Variants in SPEM3 observed in about 807,000 individuals in gnomAD.
SPEM3 encodes uncharacterized protein SPEM3.
rs923896416 is a variant in SPEM3 at position 7,432,455 on chromosome 17, T to C, written c.3284T>C (p.Val1095Ala). 13 of 398,524 alleles carry C rather than the reference T, an allele frequency of 3.3e-5. No individual in the cohort carries two copies. The highest frequency in any genetic ancestry group is 4.9e-5 in the Non-Finnish European group (11 of 226,082). 24.7% of individuals were successfully genotyped at this position (398,524 alleles called of 1,614,324 possible). Reference protein sequence around the residue: ...VSNDLQTFSEVPVLIELQSSS... With the variant: ...VSNDLQTFSEAPVLIELQSSS... ...AATGACCTGCAGACCTTCTCAGAGG[T>C]ACCTGTATTAATTGAGCTGCAGTCA... is the stretch of plus-strand genomic sequence containing the variant. The change falls in exon 3 of 3, where the codon GTA becomes GCA. Residue 1095 changes from valine to alanine, a missense_variant. Val to Ala is a moderately conservative substitution (Grantham distance 64, BLOSUM62 0). Coordinates refer to ENST00000636696, the MANE Select transcript of SPEM3 (RefSeq NM_001364708.1). The surrounding 1 kb of genome is among the most constrained non-coding windows in gnomAD (Gnocchi z 4.1).
rs950356088 is a variant in SPEM3, at chr17:7,432,290, C to T, written c.3119C>T (p.Thr1040Ile). ...GTCCAGCTTTTGTCCCTGCTTCAGA[C>T]CCCAAAGTCCACACTGTCCCTGATG... is the stretch of plus-strand genomic sequence containing the variant. ...DFVQLLSLLQTPKSTLSLMKS... is the reference protein window; with the variant it reads ...DFVQLLSLLQIPKSTLSLMKS... The change falls in exon 3 of 3, where the codon ACC (threonine) becomes ATC (isoleucine). Residue 1040 changes from threonine (T) to isoleucine (I), a missense_variant. Transcript: ENST00000636696. The surrounding 1 kb of genome is among the most constrained non-coding windows in gnomAD (Gnocchi z 4.1). 1.5e-5 allele frequency: 6 copies of T among 398,620 alleles called. No homozygotes were observed. The East Asian group carries it at 2.1e-4, about 14-fold the overall frequency. The allele number at this position is 398,620 out of a possible 1,614,324, so 24.7% of individuals were successfully genotyped here. A position where few individuals can be genotyped will look rare whatever the true frequency, so the allele number is the denominator to read the frequency against.
At position 7,429,769 on chromosome 17, in the gene SPEM3, T is replaced by C; in HGVS notation, c.598T>C (p.Cys200Arg). Residue 200 changes from cysteine (C) to arginine (R), a missense_variant, in exon 3 of 3, where the codon TGT becomes CGT. Transcript: ENST00000636696. This position sits in a 1 kb window ranked among gnomAD's most constrained non-coding sequence, Gnocchi z 4.9. Reference sequence around the variant, plus strand: ...AGAGAGCAAGACTAAGACCCCAGACTGTGCCCCAGCCGAGGCCCCAGCTCA... The same window carrying C: ...AGAGAGCAAGACTAAGACCCCAGACCGTGCCCCAGCCGAGGCCCCAGCTCA... ...PQESKTKTPDCAPAEAPAQAQ... is the reference protein window; with the variant it reads ...PQESKTKTPDRAPAEAPAQAQ... 2.5e-6 allele frequency: 1 copy of C among 399,940 alleles called. No homozygotes were observed. The highest frequency in any genetic ancestry group is 4.4e-6 in the Non-Finnish European group (1 of 227,002). The allele number at this position is 399,940 out of a possible 1,614,324, so 24.8% of individuals were successfully genotyped here. A position where few individuals can be genotyped will look rare whatever the true frequency, so the allele number is the denominator to read the frequency against.
In SPEM3 at chr17:7,430,955, C is replaced by G. The variant is rs2150827585; in HGVS notation, c.1784C>G (p.Thr595Ser). The G allele has an allele frequency of 2.5e-6, 1 of 398,932 alleles. No homozygotes were observed. The highest frequency in any genetic ancestry group is 3.6e-5 in the East Asian group (1 of 28,090). The allele number at this position is 398,932 out of a possible 1,614,324, so 24.7% of individuals were successfully genotyped here. A position where few individuals can be genotyped will look rare whatever the true frequency, so the allele number is the denominator to read the frequency against. The change falls in exon 3 of 3, where the codon ACT becomes AGT. Residue 595 changes from threonine to serine, a missense_variant. Physicochemically the swap from Thr to Ser is moderately conservative, Grantham distance 58. Coordinates refer to ENST00000636696, the MANE Select transcript of SPEM3 (RefSeq NM_001364708.1). ...SSVCTLPPPFTLSLPLVPPRS... is the reference protein window; with the variant it reads ...SSVCTLPPPFSLSLPLVPPRS... Reference sequence around the variant, plus strand: ...GTGTGCACCCTTCCTCCACCGTTCACTCTTTCCCTGCCTCTCGTTCCTCCC... The same window carrying G: ...GTGTGCACCCTTCCTCCACCGTTCAGTCTTTCCCTGCCTCTCGTTCCTCCC...
Position 7,430,722 on chromosome 17 carries a change from G to T in SPEM3, c.1551G>T (p.Glu517Asp). The change falls in exon 3 of 3, where the codon GAG becomes GAT. Residue 517 changes from glutamate (E) to aspartate (D), a missense_variant. Transcript: ENST00000636696. ...CAGGATCCATACTGGGCTACCTGGA[G>T]TTGAGGAATATGGAATGGAAGAACT... The part of the protein sequence containing the change: ...LPAGSILGYL[E>D]LRNMEWKNSD... The T allele has an allele frequency of 2.5e-6, 1 of 398,668 alleles. No homozygotes were observed. Among genetic ancestry groups the T allele is most frequent in the Non-Finnish European group, 4.4e-6 (1 of 226,112 alleles). 24.7% of individuals were successfully genotyped at this position (398,668 alleles called of 1,614,324 possible).
At position 7,429,291 on chromosome 17, in the gene SPEM3, C is replaced by T. The variant is rs1907750556; in HGVS notation, c.196+44C>T. On this transcript the variant is annotated intron_variant, in intron 2 of 2. Coordinates refer to ENST00000636696, the MANE Select transcript of SPEM3 (RefSeq NM_001364708.1). This position sits in a 1 kb window ranked among gnomAD's most constrained non-coding sequence, Gnocchi z 4.9. The stretch of plus-strand genomic sequence containing the variant: ...GGGCTCCCAGGGATATGGGCCTGTC[C>T]CCTTTCTCCTATCCCTGGCCCAGTT... 2.5e-6 allele frequency: 1 copy of T among 398,536 alleles called. No individual in the cohort carries two copies. Among genetic ancestry groups the T allele is most frequent in the East Asian group, 3.6e-5 (1 of 28,068 alleles). The allele number at this position is 398,536 out of a possible 1,614,324, so 24.7% of individuals were successfully genotyped here.
rs906379101 is a variant in SPEM3, at chr17:7,431,481, C to A, written c.2310C>A (p.Ile770=). The stretch of plus-strand genomic sequence containing the variant: ...CAGGTCTGACTCAAGAAGCTGGTAT[C>A]CTTAGGAGCCCATGTCTCACCCAAT... ...KNTGLTQEAG[I]LRSPCLTQSP... Residue 770 remains isoleucine (I), a synonymous_variant, in exon 3 of 3, where the codon ATC becomes ATA. Coordinates refer to ENST00000636696, the MANE Select transcript of SPEM3 (RefSeq NM_001364708.1). 25 of 398,514 alleles carry A rather than the reference C, an allele frequency of 6.3e-5. No individual in the cohort carries two copies. The highest frequency in any genetic ancestry group is 1.3e-4 in the Admixed American group (3 of 22,712). The allele number at this position is 398,514 out of a possible 1,614,324, so 24.7% of individuals were successfully genotyped here.
rs1471609178 is a variant in SPEM3, at chr17:7,431,284, AC to A, written c.2116del (p.Gln706LysfsTer59). 1 of 398,362 alleles carries A rather than the reference AC, an allele frequency of 2.5e-6. No individual in the cohort carries two copies. The highest frequency in any genetic ancestry group is 2.1e-5 in the African/African-American group (1 of 48,558). 24.7% of individuals were successfully genotyped at this position (398,362 alleles called of 1,614,324 possible). ...NPDLYKNPGL[T>X]QDPGLHENPG... ...AGACCTCTACAAGAACCCAGGCCTT[AC>A]CCAAGATCCAGGCCTCCACGAGAAC... On this transcript the variant is annotated frameshift_variant, in exon 3 of 3. Transcript: ENST00000636696. LOFTEE classifies it low-confidence loss of function (END_TRUNC).
In SPEM3 at chr17:7,432,214, C is replaced by G; in HGVS notation, c.3043C>G (p.Pro1015Ala). The change falls in exon 3 of 3, where the codon CCA (proline) becomes GCA (alanine). Residue 1015 changes from proline (P) to alanine (A), a missense_variant. By Grantham distance (27) the Pro-to-Ala change is conservative. Transcript: ENST00000636696. The surrounding 1 kb of genome is among the most constrained non-coding windows in gnomAD (Gnocchi z 4.1). ...SGPYKSSCLI[P>A]DPSLYKNPSP... ...CCCCTACAAGAGCTCATGCCTCATC[C>G]CAGATCCCAGCCTCTACAAGAACCC... The G allele has an allele frequency of 5.0e-6, 2 of 398,724 alleles. No individual in the cohort carries two copies. Among genetic ancestry groups the G allele is most frequent in the Admixed American group, 4.4e-5 (1 of 22,740 alleles). The allele number at this position is 398,724 out of a possible 1,614,324, so 24.7% of individuals were successfully genotyped here.
In SPEM3 at chr17:7,432,336, G is replaced by A; in HGVS notation, c.3165G>A (p.Lys1055=). ...LSLMKSSVPE[K]AAQKEDAQRH... ...TGATGAAGTCATCTGTGCCTGAGAA[G>A]GCTGCTCAGAAGGAGGACGCACAGC... Residue 1055 remains lysine, a synonymous_variant, in exon 3 of 3, where the codon AAG becomes AAA. Coordinates refer to ENST00000636696, the MANE Select transcript of SPEM3 (RefSeq NM_001364708.1). This position sits in a 1 kb window ranked among gnomAD's most constrained non-coding sequence, Gnocchi z 4.1. 2.5e-6 allele frequency: 1 copy of A among 398,680 alleles called. No individual in the cohort carries two copies. The highest frequency in any genetic ancestry group is 4.4e-6 in the Non-Finnish European group (1 of 226,092). 24.7% of individuals were successfully genotyped at this position (398,680 alleles called of 1,614,324 possible).
rs528075950 is a variant in SPEM3, at chr17:7,431,150, C to T, written c.1979C>T (p.Pro660Leu). The T allele has an allele frequency of 6.8e-5, 27 of 398,682 alleles. No individual in the cohort carries two copies. The South Asian group carries it at 3.2e-3, about 47-fold the overall frequency. 24.7% of individuals were successfully genotyped at this position (398,682 alleles called of 1,614,324 possible). Residue 660 changes from proline (P) to leucine (L), a missense_variant, in exon 3 of 3, where the codon CCT becomes CTT. Pro to Leu is a moderately conservative substitution (Grantham distance 98). Transcript: ENST00000636696. ...CAACCCCTGATCCAACCCCAATGCC[C>T]TGAATGTCATGAGAGTCTAGGCCTT... is the stretch of plus-strand genomic sequence containing the variant. ...ISQPLIQPQC[P>L]ECHESLGLTQ...
rs943207016 is a variant in SPEM3, at chr17:7,428,889, TGGGACCCCA to T, written c.-11_-3del. 2.5e-6 allele frequency: 1 copy of T among 398,570 alleles called. No homozygotes were observed. Among genetic ancestry groups the T allele is most frequent in the African/African-American group, 2.1e-5 (1 of 48,628 alleles). The allele number at this position is 398,570 out of a possible 1,614,324, so 24.7% of individuals were successfully genotyped here. A position where few individuals can be genotyped will look rare whatever the true frequency, so the allele number is the denominator to read the frequency against. On this transcript the variant is annotated 5_prime_UTR_variant, in exon 1 of 3. Transcript: ENST00000636696. ...TGAGGGCCGGGGGCCTAGGCAGTCCTGGGACCCCAGGCCATGGGTGAGCGAGCCTATCAT... is the reference window on the plus strand; with the variant it reads ...TGAGGGCCGGGGGCCTAGGCAGTCCTGGCCATGGGTGAGCGAGCCTATCAT...
rs992492905 is a variant in SPEM3, at chr17:7,430,232, C to G, written c.1061C>G (p.Ala354Gly). Residue 354 changes from alanine (A) to glycine (G), a missense_variant, in exon 3 of 3, where the codon GCC becomes GGC. Transcript: ENST00000636696. ...GCCCCTGAGTACACCTCAGCCCATGCCCCAGCGTATATCCCAGACCACTCT... is the reference window on the plus strand; with the variant it reads ...GCCCCTGAGTACACCTCAGCCCATGGCCCAGCGTATATCCCAGACCACTCT... Reference protein sequence around the residue: ...AHAPEYTSAHAPAYIPDHSHL... With the variant: ...AHAPEYTSAHGPAYIPDHSHL... 5 of 412,380 alleles carry G rather than the reference C, an allele frequency of 1.2e-5. No individual in the cohort carries two copies. In the Admixed American group the frequency reaches 2.2e-4, roughly 18 times the overall value. The allele number at this position is 412,380 out of a possible 1,614,324, so 25.5% of individuals were successfully genotyped here.
In SPEM3 at chr17:7,430,646, GC is replaced by G. The variant is rs1297405121; in HGVS notation, c.1476del (p.Ile493TyrfsTer26). 1 of 398,518 alleles carries G rather than the reference GC, an allele frequency of 2.5e-6. No individual in the cohort carries two copies. The highest frequency in any genetic ancestry group is 4.4e-6 in the Non-Finnish European group (1 of 226,122). 24.7% of individuals were successfully genotyped at this position (398,518 alleles called of 1,614,324 possible). On this transcript the variant is annotated frameshift_variant, in exon 3 of 3. Transcript: ENST00000636696. LOFTEE classifies it low-confidence loss of function (END_TRUNC). ...PQEGQDLVSSGISEQTKQCSG... is the reference protein window; with the variant it reads ...PQEGQDLVSSXISEQTKQCSG... ...GAGGGTCAGGACCTGGTGAGTTCTG[GC>G]ATATCTGAGCAAACAAAGCAATGCA...
chr17:7,432,608 C>T lies in SPEM3; in HGVS notation c.3437C>T (p.Pro1146Leu), dbSNP rs538766360. 11 of 398,698 alleles carry T rather than the reference C, an allele frequency of 2.8e-5. 1 individual carries two copies. In the South Asian group the frequency reaches 1.4e-3, roughly 51 times the overall value. 24.7% of individuals were successfully genotyped at this position (398,698 alleles called of 1,614,324 possible). A position where few individuals can be genotyped will look rare whatever the true frequency, so the allele number is the denominator to read the frequency against. ...AACTGGAAGTCCCACTGCCCTGGAC[C>T]AGGCACCCAGGCAGGGCATGTGGTT... ...HINWKSHCPG[P>L]GTQAGHVVFD... is the part of the protein sequence containing the mutation. Residue 1146 changes from proline (P) to leucine (L), a missense_variant, in exon 3 of 3, where the codon CCA becomes CTA. Transcript: ENST00000636696. This position sits in a 1 kb window ranked among gnomAD's most constrained non-coding sequence, Gnocchi z 4.1.
rs1282787415 is a variant in SPEM3 at position 7,430,313 on chromosome 17, C to G, written c.1142C>G (p.Thr381Ser). 2 of 412,908 alleles carry G rather than the reference C, an allele frequency of 4.8e-6. No homozygotes were observed. Among genetic ancestry groups the G allele is most frequent in the Non-Finnish European group, 8.5e-6 (2 of 234,866 alleles). 25.6% of individuals were successfully genotyped at this position (412,908 alleles called of 1,614,324 possible). A position where few individuals can be genotyped will look rare whatever the true frequency, so the allele number is the denominator to read the frequency against. ...VPTSAPAPPG[T>S]LAPATTPVLA... Reference sequence around the variant, plus strand: ...ACCTCTGCCCCAGCTCCTCCCGGAACTCTTGCCCCAGCCACTACTCCTGTC... The same window carrying G: ...ACCTCTGCCCCAGCTCCTCCCGGAAGTCTTGCCCCAGCCACTACTCCTGTC... Residue 381 changes from threonine to serine, a missense_variant, in exon 3 of 3, where the codon ACT becomes AGT. By Grantham distance (58) the Thr-to-Ser change is moderately conservative. Transcript: ENST00000636696.
rs1907807967 is a variant in SPEM3 at position 7,430,799 on chromosome 17, G to C, written c.1628G>C (p.Ser543Thr). The C allele has an allele frequency of 2.5e-6, 1 of 398,510 alleles. No homozygotes were observed. The highest frequency in any genetic ancestry group is 2.1e-5 in the African/African-American group (1 of 48,598). The allele number at this position is 398,510 out of a possible 1,614,324, so 24.7% of individuals were successfully genotyped here. ...CAGACCAAGACTTCCCCTTACTGCA[G>C]CTTCCATCCTTGCAGTTCTGAGAAG... ...FPQTKTSPYC[S>T]FHPCSSEKNT... is the part of the protein sequence containing the mutation. Residue 543 changes from serine (S) to threonine (T), a missense_variant, in exon 3 of 3, where the codon AGC (serine) becomes ACC (threonine). Coordinates refer to ENST00000636696, the MANE Select transcript of SPEM3 (RefSeq NM_001364708.1).
rs1458767166 is a variant in SPEM3 at position 7,430,644 on chromosome 17, T to C, written c.1473T>C (p.Ser491=). ...AAGAGGGTCAGGACCTGGTGAGTTC[T>C]GGCATATCTGAGCAAACAAAGCAAT... The part of the protein sequence containing the change: ...RPQEGQDLVS[S]GISEQTKQCS... The change falls in exon 3 of 3, where the codon TCT becomes TCC. Residue 491 remains serine, a synonymous_variant. Coordinates refer to ENST00000636696, the MANE Select transcript of SPEM3 (RefSeq NM_001364708.1). 2.5e-6 allele frequency: 1 copy of C among 398,560 alleles called. No homozygotes were observed. Among genetic ancestry groups the C allele is most frequent in the East Asian group, 3.6e-5 (1 of 28,094 alleles). The allele number at this position is 398,560 out of a possible 1,614,324, so 24.7% of individuals were successfully genotyped here.
rs1907782406 is a variant in SPEM3, at chr17:7,430,115, A to T, written c.944A>T (p.Tyr315Phe). 2.4e-6 allele frequency: 1 copy of T among 414,280 alleles called. No homozygotes were observed. 25.7% of individuals were successfully genotyped at this position (414,280 alleles called of 1,614,324 possible). A position where few individuals can be genotyped will look rare whatever the true frequency, so the allele number is the denominator to read the frequency against. Residue 315 changes from tyrosine (Y) to phenylalanine (F), a missense_variant, in exon 3 of 3, where the codon TAT becomes TTT. Transcript: ENST00000636696. ...QTHSPPHTPE[Y>F]THSQAHSPEH... Reference sequence around the variant, plus strand: ...CACTCTCCGCCCCACACCCCTGAGTATACTCACTCCCAGGCCCACAGCCCT... The same window carrying T: ...CACTCTCCGCCCCACACCCCTGAGTTTACTCACTCCCAGGCCCACAGCCCT...
rs879286522 is a variant in SPEM3, at chr17:7,429,913, C to G, written c.742C>G (p.Arg248Gly). Residue 248 changes from arginine to glycine, a missense_variant, in exon 3 of 3, where the codon CGC becomes GGC. Transcript: ENST00000636696. This position sits in a 1 kb window ranked among gnomAD's most constrained non-coding sequence, Gnocchi z 4.9. Reference sequence around the variant, plus strand: ...CCACTCCTGGACCCACTCCAAAGCCCGCACCCCTGAGGGCACCCACTCCCA... The same window carrying G: ...CCACTCCTGGACCCACTCCAAAGCCGGCACCCCTGAGGGCACCCACTCCCA... ...PAHSWTHSKA[R>G]TPEGTHSQAQ... 1 of 413,646 alleles carries G rather than the reference C, an allele frequency of 2.4e-6. No individual in the cohort carries two copies. 25.6% of individuals were successfully genotyped at this position (413,646 alleles called of 1,614,324 possible).
Sources: allele counts gnomAD v4.1 joint callset, GRCh38; gene constraint gnomAD v4.1.1; non-coding constraint Gnocchi (gnomAD v3.1); transcripts MANE v1.5; gene names NCBI Gene and HGNC (gene_info 2026-07-23, HGNC 2026-07-21).